The following CLRN2 variants were observed in gnomAD, a reference collection of about 807,000 sequenced individuals.
CLRN2 encodes clarin 2.
A neutral mutation model predicts 20.1 loss-of-function variants in CLRN2; 17 were observed. The ratio of observed to expected loss-of-function variants is 0.85; its 90% CI spans 0.58 to 1.27. The LOEUF (loss-of-function observed/expected upper bound fraction) is 1.27, where lower values mean the gene tolerates loss of function less well. Ranked by LOEUF, CLRN2 falls within the 50% of genes most tolerant of loss-of-function variation. The probability of loss-of-function intolerance (pLI) is 0.00; values close to 1 mark genes in which losing one functional copy is unlikely to be tolerated. For synonymous variants in CLRN2, 140 were observed against 126.9 expected (o/e 1.10, Z -0.70); for missense variants, 288 against 299.5 (o/e 0.96, Z 0.28).
intron 2 of CLRN2, among the ~76,000 whole-genome samples, chr4:17,523,355 C>G (rs1201642367): frequency 6.6e-6 from 1 of 151,912 alleles, no homozygotes; most frequent in Non-Finnish European, 1.5e-5. Flanking sequence ...GCTGGGAGTA[C>G]AGGCGTGCAC....
At chr4:17,516,119 G>T (rs1341907156) in intron 1 of CLRN2, among the ~76,000 whole-genome samples, 1 of 152,238 alleles carries the variant, frequency 6.6e-6, no homozygotes, top group Non-Finnish European at 1.5e-5. Flanking sequence ...CTGTGCTTGG[G>T]TTCTGGAATC....
intron 2 of CLRN2, among the ~76,000 whole-genome samples, chr4:17,524,150 C>T (rs898152786): frequency 6.6e-6 from 1 of 151,310 alleles, no homozygotes; most frequent in African/African-American, 2.4e-5. Context: ...TTCCACAGAT[C>T]CATGCTCTCA....
intron 1 of CLRN2, among the ~76,000 whole-genome samples, chr4:17,518,037 T>G (rs1193023360): frequency 6.8e-6 from 1 of 146,118 alleles, no homozygotes; most frequent in East Asian, 2.0e-4. Context: ...GGGGTCTCTT[T>G]CTGCCATTCA....
chr4:17,526,808 G>T lies in CLRN2; in HGVS notation c.434-9G>T. The T allele has an allele frequency of 6.2e-7, 1 of 1,613,218 alleles. No homozygotes were observed. The highest frequency in any genetic ancestry group is 1.1e-5 in the South Asian group (1 of 91,046). On this transcript the variant is annotated splice_polypyrimidine_tract_variant and intron_variant, in intron 2 of 2. Coordinates refer to ENST00000511148, the MANE Select transcript of CLRN2 (RefSeq NM_001079827.2). ...AGCCGTGAATGAGGGTGACCTTTTT[G>T]AGTTTCAGGCGGCGTCGTGGCGTTA...
chr4:17,518,740 G>A (rs2109001809), intron 1 of CLRN2, among the ~76,000 whole-genome samples: 1 of 145,056 alleles, frequency 6.9e-6, no homozygotes, highest in African/African-American at 2.6e-5. Flanking sequence ...CAGCCTGGGT[G>A]AAAAGAGTGA....
intron 1 of CLRN2, among the ~76,000 whole-genome samples, chr4:17,516,078 G>C (rs892157618): frequency 6.6e-6 from 1 of 152,178 alleles, no homozygotes; most frequent in African/African-American, 2.4e-5. Flanking sequence ...TTTTGTAAAA[G>C]CTTCATAGTC....
Position 17,526,909 on chromosome 4 carries a change from T to C in CLRN2, c.526T>C (p.Phe176Leu), listed in dbSNP as rs755317336. 2 of 1,614,054 alleles carry C rather than the reference T, an allele frequency of 1.2e-6. No homozygotes were observed. The highest frequency in any genetic ancestry group is 1.7e-6 in the Non-Finnish European group (2 of 1,179,896). Residue 176 changes from phenylalanine (F) to leucine (L), a missense_variant, in exon 3 of 3, where the codon TTC becomes CTC. Physicochemically the swap from Phe to Leu is conservative, Grantham distance 22 (BLOSUM62 0). Transcript: ENST00000511148. ...ERIANFQEKLFQFVVVEEQYE... is the reference protein window; with the variant it reads ...ERIANFQEKLLQFVVVEEQYE... ...AATCGCCAACTTTCAGGAGAAGCTCTTCCAGTTTGTGGTGGTGGAAGAACA... is the reference window on the plus strand; with the variant it reads ...AATCGCCAACTTTCAGGAGAAGCTCCTCCAGTTTGTGGTGGTGGAAGAACA...
Position 17,521,322 on chromosome 4 carries a change from TAAC to T in CLRN2, c.254-1541_254-1539del, listed in dbSNP as rs1419435009. 4.6e-5 allele frequency among the ~76,000 whole-genome samples: 7 copies of T among 152,184 alleles called. No individual in the cohort carries two copies. In the East Asian group the frequency reaches 1.3e-3, roughly 29 times the overall value. Reference sequence around the variant, plus strand: ...AAAATGTGTCACCTAACGGGACACCTAACGGGAAAAACAAAAACTCTAGTTCTC... The same window carrying T: ...AAAATGTGTCACCTAACGGGACACCTGGGAAAAACAAAAACTCTAGTTCTC... On this transcript the variant is annotated intron_variant, in intron 1 of 2. Coordinates refer to ENST00000511148, the MANE Select transcript of CLRN2 (RefSeq NM_001079827.2).
At chr4:17,516,804 T>A (rs894841236) in intron 1 of CLRN2, among the ~76,000 whole-genome samples, 8 of 152,232 alleles carry the variant, frequency 5.3e-5, no homozygotes, top group Non-Finnish European at 1.2e-4. Flanking sequence ...CTGAACTAGA[T>A]GCTTTGCTAT....
At position 17,527,044 on chromosome 4, in the gene CLRN2, G is replaced by C. The variant is rs374428888; in HGVS notation, c.661G>C (p.Glu221Gln). ...IPLPEIKTKI[E>Q]EATVTAEDIL... ...CCTCCCTGAGATTAAGACCAAAATC[G>C]AAGAGGCCACGGTCACAGCTGAGGA... Residue 221 changes from glutamate (E) to glutamine (Q), a missense_variant, in exon 3 of 3, where the codon GAA (glutamate) becomes CAA (glutamine). Coordinates refer to ENST00000511148, the MANE Select transcript of CLRN2 (RefSeq NM_001079827.2). The C allele has an allele frequency of 2.5e-6, 4 of 1,613,978 alleles. 1 individual carries two copies. In the South Asian group the frequency reaches 4.4e-5, roughly 18 times the overall value.
At chr4:17,515,798 G>C (rs1200848822) in intron 1 of CLRN2, among the ~76,000 whole-genome samples, 2 of 152,146 alleles carry the variant, frequency 1.3e-5, no homozygotes, top group Non-Finnish European at 2.9e-5. Flanking sequence ...AAAATATTGA[G>C]AGTTTACACG....
intron 1 of CLRN2, among the ~76,000 whole-genome samples, chr4:17,519,209 A>G (rs1395358802): frequency 6.6e-6 from 1 of 152,064 alleles, no homozygotes; most frequent in South Asian, 2.1e-4. Context: ...TCATATGCTG[A>G]TAGATGCTGA....
intron 1 of CLRN2, among the ~76,000 whole-genome samples, chr4:17,520,069 C>T (rs895802733): frequency 5.3e-5 from 8 of 152,122 alleles, no homozygotes; most frequent in Admixed American, 2.6e-4. Flanking sequence ...ACATGAGGTC[C>T]TGAGCCCTGT....
At chr4:17,523,929 T>A (rs1310140170) in intron 2 of CLRN2, among the ~76,000 whole-genome samples, 1 of 151,364 alleles carries the variant, frequency 6.6e-6, no homozygotes, top group Non-Finnish European at 1.5e-5. Flanking sequence ...TAGATGCAAC[T>A]TACTGAGCAA....
intron 1 of CLRN2, among the ~76,000 whole-genome samples, chr4:17,518,918 C>T (rs146256718): frequency 3.9e-4 from 59 of 152,234 alleles, no homozygotes; most frequent in African/African-American, 1.0e-3. Context: ...GATTTTATTA[C>T]GCCCATTTTA....
chr4:17,517,733 A>C (rs947548617), intron 1 of CLRN2, among the ~76,000 whole-genome samples: 1 of 152,166 alleles, frequency 6.6e-6, no homozygotes, highest in Admixed American at 6.5e-5. Context: ...GTCCCTGAGT[A>C]GGAGCGTATT....
intron 2 of CLRN2, among the ~76,000 whole-genome samples, chr4:17,524,993 C>T (rs1711941537): frequency 6.6e-6 from 1 of 152,038 alleles, no homozygotes. Context: ...TTTGACAAAA[C>T]TTTATTTCTT....
intron 1 of CLRN2, among the ~76,000 whole-genome samples, chr4:17,520,673 A>G (rs556971181): frequency 1.3e-5 from 2 of 152,348 alleles, no homozygotes; most frequent in African/African-American, 4.8e-5. Context: ...GGTAAGCATT[A>G]CTATGTTAGT....
chr4:17,515,827 C>A (rs1311195689), intron 1 of CLRN2, among the ~76,000 whole-genome samples: 4 of 152,180 alleles, frequency 2.6e-5, no homozygotes, highest in Non-Finnish European at 5.9e-5. Context: ...ATTGTAAGCA[C>A]CTCACGCCAC....
Sources: allele counts gnomAD v4.1 joint callset (sites outside exome capture counted in the v4.1 genomes callset), GRCh38; gene constraint gnomAD v4.1.1; transcripts MANE v1.5; gene names NCBI Gene and HGNC (gene_info 2026-07-23, HGNC 2026-07-21).